CHST15: variants seen among roughly 807,000 people sequenced by gnomAD.
CHST15 encodes the protein B cell RAG associated protein (GALNAC4S-6ST).
In CHST15, 30 loss-of-function variants were observed where a neutral mutation model predicts 53.6. The observed-to-expected ratio is 0.56, with a 90% CI of 0.42 to 0.76. The LOEUF (loss-of-function observed/expected upper bound fraction) is 0.76, where lower values mean the gene tolerates loss of function less well. Ranked by LOEUF, CHST15 falls within the 30% of genes least tolerant of loss-of-function variation. The pLI is 0.00. For missense variants in CHST15, 627 were observed against 740.5 expected, an observed-to-expected ratio of 0.85 and a Z score of 1.78; for synonymous variants, 296 against 289.8, an observed-to-expected ratio of 1.02 and a Z score of -0.22.
rs748657903 is a variant in CHST15, at chr10:124,010,153, GT to G, written c.1681del (p.Thr561ArgfsTer4). 2.2e-5 allele frequency: 36 copies of G among 1,612,454 alleles called. 1 individual carries two copies. The highest frequency in any genetic ancestry group is 2.9e-5 in the Non-Finnish European group (34 of 1,180,034). On this transcript the variant is annotated frameshift_variant, in exon 8 of 8. Coordinates refer to ENST00000435907, the MANE Select transcript of CHST15 (RefSeq NM_001270764.2). LOFTEE classifies it high-confidence loss of function. ...CGTGCAGCAACAATTCAGCTCTCAC[GT>G]CGTCTTCCACGCAAACGCCTCATCC... The part of the protein sequence containing the change: ...LADEAFAWKT[T>X]
At chr10:124,063,775 C>T (rs551817088) in intron 1 of CHST15, among the ~76,000 whole-genome samples, 61 of 152,312 alleles carry the variant, frequency 4.0e-4, no homozygotes, top group African/African-American at 1.4e-3. Context: ...CTTGCTTAAA[C>T]CACCGCTGTC....
chr10:124,021,551 A>T (rs1442113534), intron 5 of CHST15, 139 bp from the exon 6 acceptor site: 5 of 1,432,650 alleles, frequency 3.5e-6, no homozygotes, highest in African/African-American at 1.4e-5. Context: ...TTTCCCTTGC[A>T]GATGAGCCAC....
chr10:124,021,956 C>G (rs140391830), intron 5 of CHST15, among the ~76,000 whole-genome samples: 1 of 152,104 alleles, frequency 6.6e-6, no homozygotes, highest in East Asian at 1.9e-4. Flanking sequence ...GTTTTTAACA[C>G]GATGTAAAAG....
intron 1 of CHST15, among the ~76,000 whole-genome samples, chr10:124,077,336 A>ATC (rs1949107920): frequency 6.6e-6 from 1 of 152,184 alleles, no homozygotes; most frequent in South Asian, 2.1e-4. Context: ...CATAAGTCTG[A>ATC]TCTCGAACAG....
At chr10:124,071,564 G>C (rs7901595) in intron 1 of CHST15, among the ~76,000 whole-genome samples, 102,230 of 152,132 alleles carry the variant, frequency 0.67, 34,496 homozygotes, top group South Asian at 0.77. Flanking sequence ...TCGAATAGAC[G>C]CAAAATAACC....
intron 1 of CHST15, among the ~76,000 whole-genome samples, chr10:124,066,395 C>T (rs1410039665): frequency 1.3e-5 from 2 of 152,062 alleles, no homozygotes; most frequent in African/African-American, 2.4e-5. Context: ...CGTGTTCTGT[C>T]ACTGCTTCTG....
In CHST15 at chr10:124,044,642, A is replaced by T; in HGVS notation, c.824T>A (p.Leu275Gln). Reference protein sequence around the residue: ...GTTDLYDRLRLHPEVKFSAIK... With the variant: ...GTTDLYDRLRQHPEVKFSAIK... The stretch of plus-strand genomic sequence containing the variant: ...GGCGGAGAACTTGACCTCAGGGTGC[A>T]GCCGCAGGCGGTCATAGAGGTCTGT... Residue 275 changes from leucine (L) to glutamine (Q), a missense_variant, in exon 3 of 8, where the codon CTG (leucine) becomes CAG (glutamine). By Grantham distance (113) the Leu-to-Gln change is moderately radical (BLOSUM62 -2). Transcript: ENST00000435907. 2 of 1,602,136 alleles carry T rather than the reference A, an allele frequency of 1.2e-6. No individual in the cohort carries two copies. Among genetic ancestry groups the T allele is most frequent in the South Asian group, 2.2e-5 (2 of 90,278 alleles).
intron 1 of CHST15, among the ~76,000 whole-genome samples, chr10:124,051,301 T>A (rs922096907): frequency 6.6e-6 from 1 of 152,128 alleles, no homozygotes; most frequent in African/African-American, 2.4e-5. Context: ...TATAGAATAG[T>A]TTACTATGTA....
At chr10:124,032,093 G>T (rs75141283) in intron 5 of CHST15, among the ~76,000 whole-genome samples, 375 of 152,326 alleles carry the variant, frequency 2.5e-3, no homozygotes, top group African/African-American at 8.5e-3. Context: ...TTCATTAAAA[G>T]CCTGCTTCCT....
intron 5 of CHST15, among the ~76,000 whole-genome samples, chr10:124,023,904 C>T (rs1315490388): frequency 2.0e-5 from 3 of 150,918 alleles, no homozygotes; most frequent in Non-Finnish European, 2.9e-5. Context: ...AGTGGAATGG[C>T]GCAATCTCGG....
At chr10:124,020,109 C>A in intron 6 of CHST15, 2 of 985,590 alleles carry the variant, frequency 2.0e-6, no homozygotes, top group African/African-American at 3.5e-5. Flanking sequence ...CCTGTCCTGG[C>A]ATTGCTGTGG....
At position 124,062,255 on chromosome 10, in the gene CHST15, T is replaced by A. The variant is rs556508349; in HGVS notation, c.-512-15531A>T. 3.3e-5 allele frequency among the ~76,000 whole-genome samples: 5 copies of A among 152,280 alleles called. No homozygotes were observed. The East Asian group carries it at 9.7e-4, about 29-fold the overall frequency. The stretch of plus-strand genomic sequence containing the variant: ...ATGCTGTTTTATGAATGTTCACCAA[T>A]GCCCAAAGAGCGTTTGACAGAGGCA... On this transcript the variant is annotated intron_variant, in intron 1 of 7. Transcript: ENST00000435907.
rs939930754 is a variant in CHST15, at chr10:124,019,609, G to A, written c.1347+1647C>T. On this transcript the variant is annotated intron_variant, in intron 6 of 7. Transcript: ENST00000435907. The surrounding 1 kb of genome is among the most constrained non-coding windows in gnomAD (Gnocchi z 4.6). ...TCCGGGTCTCCGTTTCCTTATGAAGGCTCCCTCCCGGGTTACATGAAATTT... is the reference window on the plus strand; with the variant it reads ...TCCGGGTCTCCGTTTCCTTATGAAGACTCCCTCCCGGGTTACATGAAATTT... The A allele has an allele frequency of 8.1e-5, 22 of 271,542 alleles. No individual in the cohort carries two copies. The highest frequency in any genetic ancestry group is 5.0e-4 in the African/African-American group (22 of 43,794). 16.8% of individuals were successfully genotyped at this position (271,542 alleles called of 1,614,324 possible).
intron 1 of CHST15, among the ~76,000 whole-genome samples, chr10:124,078,057 T>A (rs894702614): frequency 2.0e-5 from 3 of 152,216 alleles, no homozygotes; most frequent in African/African-American, 7.2e-5. Context: ...TTTCTAGCTC[T>A]ACGGGTAGAA....
chr10:124,092,809 C>G (rs1446077607), intron 1 of CHST15, among the ~76,000 whole-genome samples: 1 of 152,260 alleles, frequency 6.6e-6, no homozygotes, highest in Admixed American at 6.5e-5. Context: ...CGCCAAACGA[C>G]GCGCGCTCAC....
Position 124,012,268 on chromosome 10 carries a change from G to A in CHST15, c.1495+65C>T, listed in dbSNP as rs950794299. 37 of 1,558,298 alleles carry A rather than the reference G, an allele frequency of 2.4e-5. No homozygotes were observed. The African/African-American group carries it at 3.7e-4, about 15-fold the overall frequency. ...TGACCAGGTCTGCATTTGCCCCAGA[G>A]GACTCCCAGAACAAGTCCACGGAGC... On this transcript the variant is annotated intron_variant, in intron 7 of 7. Transcript: ENST00000435907.
At position 124,011,099 on chromosome 10, in the gene CHST15, G is replaced by A. The variant is rs572027538; in HGVS notation, c.1496-760C>T. On this transcript the variant is annotated intron_variant, in intron 7 of 7. Transcript: ENST00000435907. Reference sequence around the variant, plus strand: ...GGGCTGTCAGTCACGCACACGCCCCGCCCTCTGGAGTGAGAGGCCCTGAAA... The same window carrying A: ...GGGCTGTCAGTCACGCACACGCCCCACCCTCTGGAGTGAGAGGCCCTGAAA... The A allele has an allele frequency of 1.1e-4, 110 of 982,856 alleles. No individual in the cohort carries two copies. The African/African-American group carries it at 1.6e-3, about 15-fold the overall frequency. 60.9% of individuals were successfully genotyped at this position (982,856 alleles called of 1,614,324 possible). A position where few individuals can be genotyped will look rare whatever the true frequency, so the allele number is the denominator to read the frequency against.
At chr10:124,081,316 A>C (rs1949227829) in intron 1 of CHST15, among the ~76,000 whole-genome samples, 4 of 152,106 alleles carry the variant, frequency 2.6e-5, no homozygotes, top group African/African-American at 4.8e-5. Context: ...TCTTAGCTAA[A>C]GAGCTTAACG....
intron 1 of CHST15, among the ~76,000 whole-genome samples, chr10:124,092,706 T>C (rs1949641489): frequency 6.6e-6 from 1 of 152,028 alleles, no homozygotes; most frequent in South Asian, 2.1e-4. Flanking sequence ...GGATGCCCAC[T>C]TACCTGCCCC....
Sources: allele counts gnomAD v4.1 joint callset (sites outside exome capture counted in the v4.1 genomes callset), GRCh38; gene constraint gnomAD v4.1.1; non-coding constraint Gnocchi (gnomAD v3.1); transcripts MANE v1.5; gene names NCBI Gene and HGNC (gene_info 2026-07-23, HGNC 2026-07-21).